The following RGS7 variants were observed in gnomAD, a reference collection of about 807,000 sequenced individuals.
The protein encoded by RGS7 is regulator of G protein signaling 7.
Under a neutral mutation model 81.1 loss-of-function variants are expected in RGS7, and 27 were observed. The ratio of observed to expected loss-of-function variants is 0.33; its 90% CI spans 0.25 to 0.46. RGS7 has a LOEUF of 0.46. Ranked by LOEUF, RGS7 falls within the 20% of genes least tolerant of loss-of-function variation. The pLI, the probability that RGS7 is intolerant of heterozygous loss-of-function variation, is 1.00. For missense variants in RGS7, 396 were observed against 607.4 expected (o/e 0.65, Z 3.66); for synonymous variants, 208 against 207.7 (o/e 1.00, Z -0.01).
chr1:241,312,715 G>A (rs2080620056), intron 2 of RGS7, among the ~76,000 whole-genome samples: 1 of 152,014 alleles, frequency 6.6e-6, no homozygotes, highest in African/African-American at 2.4e-5. Context: ...ATTAAATTTA[G>A]GCCAATTAAT....
intron 3 of RGS7, among the ~76,000 whole-genome samples, chr1:241,048,956 G>A (rs2061099399): frequency 6.6e-6 from 1 of 152,268 alleles, no homozygotes; most frequent in East Asian, 1.9e-4. Context: ...ACACTCCTCG[G>A]CTTGCAGCTG....
intron 2 of RGS7, among the ~76,000 whole-genome samples, chr1:241,269,641 G>C (rs1004099199): frequency 1.3e-5 from 2 of 152,156 alleles, no homozygotes; most frequent in African/African-American, 4.8e-5. Flanking sequence ...AAAAGAAGGA[G>C]ACAAATTGAA....
intron 3 of RGS7, among the ~76,000 whole-genome samples, chr1:241,097,749 C>G (rs540347453): frequency 6.6e-6 from 1 of 152,288 alleles, no homozygotes; most frequent in South Asian, 2.1e-4. Context: ...AGTCAGAGCA[C>G]AGAGGCTTAT....
chr1:241,231,680 A>C (rs2075669939), intron 2 of RGS7, among the ~76,000 whole-genome samples: 1 of 152,122 alleles, frequency 6.6e-6, no homozygotes. Flanking sequence ...TTTCTAATTA[A>C]TCATTTGTCT....
At chr1:240,998,432 A>G (rs1572186948) in intron 3 of RGS7, 2 of 721,618 alleles carry the variant, frequency 2.8e-6, no homozygotes, top group Admixed American at 4.8e-5. Context: ...TATTGAACAC[A>G]TTATAAAAGA....
chr1:240,903,690 G>C (rs1416884789), intron 6 of RGS7, among the ~76,000 whole-genome samples: 1 of 152,132 alleles, frequency 6.6e-6, no homozygotes, highest in South Asian at 2.1e-4. Flanking sequence ...CCATGATGGT[G>C]GTGGGGCCTA....
chr1:241,269,296 T>C (rs754728903), intron 2 of RGS7, among the ~76,000 whole-genome samples: 2 of 152,238 alleles, frequency 1.3e-5, no homozygotes, highest in Non-Finnish European at 2.9e-5. Flanking sequence ...CTCCCTTTTG[T>C]GGAAACGTGG....
chr1:240,984,607 G>A (rs1382982103), intron 3 of RGS7, among the ~76,000 whole-genome samples: 1 of 152,110 alleles, frequency 6.6e-6, no homozygotes, highest in Non-Finnish European at 1.5e-5. Flanking sequence ...CACAAAATAG[G>A]AAAAATATGT....
intron 3 of RGS7, among the ~76,000 whole-genome samples, chr1:241,072,289 T>C (rs1012064598): frequency 2.6e-5 from 4 of 152,234 alleles, no homozygotes; most frequent in African/African-American, 9.6e-5. Flanking sequence ...AAAAGCCATG[T>C]AGGCAAGACT....
In RGS7 at chr1:240,878,764, A is replaced by G. The variant is rs540354100; in HGVS notation, c.386-8645T>C. ...GAGGATCAACAGTACATGGTCTGCAATCTGCTTTTTTTCACTTAAAATAAC... is the reference window on the plus strand; with the variant it reads ...GAGGATCAACAGTACATGGTCTGCAGTCTGCTTTTTTTCACTTAAAATAAC... On this transcript the variant is annotated intron_variant, in intron 6 of 18. Transcript: ENST00000440928. 5.9e-5 allele frequency among the ~76,000 whole-genome samples: 9 copies of G among 152,156 alleles called. No individual in the cohort carries two copies. In the South Asian group the frequency reaches 1.7e-3, roughly 28 times the overall value.
intron 3 of RGS7, among the ~76,000 whole-genome samples, chr1:241,006,618 A>C (rs2148649497): frequency 6.6e-6 from 1 of 152,356 alleles, no homozygotes; most frequent in East Asian, 1.9e-4. Flanking sequence ...ACTTCTCTGA[A>C]CACTTGGATA....
At chr1:241,341,341 G>A (rs2082533045) in intron 2 of RGS7, among the ~76,000 whole-genome samples, 2 of 152,074 alleles carry the variant, frequency 1.3e-5, no homozygotes, top group Admixed American at 6.5e-5. Context: ...AAAATCATCT[G>A]TAAAGTGAAA....
At chr1:240,909,701 T>C (rs781636999) in intron 6 of RGS7, among the ~76,000 whole-genome samples, 8 of 152,240 alleles carry the variant, frequency 5.3e-5, no homozygotes, top group South Asian at 2.1e-4. Flanking sequence ...TGTCATGTAA[T>C]TTATTAACTA....
intron 18 of RGS7, 44 bp downstream of exon 18, chr1:240,800,597 C>T (rs929074808): frequency 8.1e-7 from 1 of 1,240,048 alleles, no homozygotes; most frequent in Non-Finnish European, 1.1e-6. Context: ...CACAACTCAA[C>T]AGACAATGCA....
chr1:241,252,765 G>A (rs1014357915), intron 2 of RGS7, among the ~76,000 whole-genome samples: 6 of 152,104 alleles, frequency 3.9e-5, no homozygotes, highest in African/African-American at 1.4e-4. Flanking sequence ...TAGGTATTAT[G>A]GCATTTTCAC....
At chr1:240,992,672 T>C (rs1390662681) in intron 3 of RGS7, among the ~76,000 whole-genome samples, 1 of 152,052 alleles carries the variant, frequency 6.6e-6, no homozygotes, top group East Asian at 1.9e-4. Flanking sequence ...GAATATTTCC[T>C]GCTGTGACAA....
intron 3 of RGS7, among the ~76,000 whole-genome samples, chr1:241,070,490 T>C (rs544870283): frequency 6.6e-6 from 1 of 152,346 alleles, no homozygotes; most frequent in African/African-American, 2.4e-5. Context: ...TAAGTTCACC[T>C]TGACCTAAAG....
intron 2 of RGS7, among the ~76,000 whole-genome samples, chr1:241,223,404 T>C (rs2075127257): frequency 6.6e-6 from 1 of 152,156 alleles, no homozygotes; most frequent in Admixed American, 6.5e-5. Context: ...AATCACACTG[T>C]GCAACTTGCT....
chr1:240,892,370 T>C (rs942846461), intron 6 of RGS7, among the ~76,000 whole-genome samples: 3 of 152,184 alleles, frequency 2.0e-5, no homozygotes, highest in Non-Finnish European at 2.9e-5. Flanking sequence ...GCTATTTTTT[T>C]GTATGCTCAC....
Sources: gnomAD v4.1 joint callset for allele counts (sites outside exome capture counted in the v4.1 genomes callset) on GRCh38, gnomAD v4.1.1 for gene constraint, MANE v1.5 for transcripts, NCBI Gene and HGNC (gene_info 2026-07-23, HGNC 2026-07-21) for gene names.